Variants in OVCH1 observed in about 807,000 individuals in gnomAD.
OVCH1 encodes the protein ovochymase-1.
OVCH1 carries 139 observed loss-of-function variants against 138.4 expected under a neutral mutation model. The observed-to-expected ratio is 1.00, with a 90% CI of 0.87 to 1.16. The LOEUF is 1.16. Ranked by LOEUF, OVCH1 falls within the 50% of genes most tolerant of loss-of-function variation. The pLI is 0.00. For missense variants in OVCH1, 1,367 were observed against 1,357.9 expected (o/e 1.01, Z -0.11); for synonymous variants, 453 against 467.8 (o/e 0.97, Z 0.41).
At chr12:29,425,271 A>T (rs1312802608), downstream of OVCH1, among the ~76,000 whole-genome samples, 4 of 152,240 alleles carry the variant, frequency 2.6e-5, no homozygotes, top group Non-Finnish European at 4.4e-5. Context: ...TGACTTAGAC[A>T]GAAATACAGA....
downstream of OVCH1, among the ~76,000 whole-genome samples, chr12:29,410,446 A>G (rs1406516088): frequency 2.0e-5 from 3 of 151,186 alleles, no homozygotes; most frequent in Admixed American, 6.6e-5. Flanking sequence ...AGCGGCTGAT[A>G]CCGGTTGTTC....
chr12:29,464,254 A>C (rs1037586410), intron 18 of OVCH1, among the ~76,000 whole-genome samples: 8 of 152,184 alleles, frequency 5.3e-5, no homozygotes, highest in African/African-American at 1.9e-4. Context: ...TAAAAGGATT[A>C]TTATCTGGCC....
chr12:29,496,125 G>C (rs2136101690), intron 3 of OVCH1, 56 bp downstream of exon 3: 1 of 1,457,932 alleles, frequency 6.9e-7, no homozygotes, highest in Non-Finnish European at 9.4e-7. Flanking sequence ...CAACAAATCT[G>C]CCAGTCGCAT....
At chr12:29,494,486 G>T (rs1405713693) in intron 4 of OVCH1, among the ~76,000 whole-genome samples, 1 of 152,172 alleles carries the variant, frequency 6.6e-6, no homozygotes, top group African/African-American at 2.4e-5. Flanking sequence ...TTTTTTGTTA[G>T]AGATGAATAT....
exon 24 of OVCH1, chr12:29,444,201 C>A: frequency 6.2e-7 from 1 of 1,612,580 alleles, no homozygotes; most frequent in South Asian, 1.1e-5. Flanking sequence ...CTGGCTTGGT[C>A]AGAAGAACAT....
intron 2 of OVCH1, 62 bp downstream of exon 2, chr12:29,496,494 C>T (rs7295558): frequency 0.021 from 30,607 of 1,434,298 alleles, 1,030 homozygotes; most frequent in African/African-American, 0.15. Context: ...TTCTTGCTTT[C>T]GAAACAAAGG....
intron 3 of OVCH1, among the ~76,000 whole-genome samples, chr12:29,416,078 C>A (rs77389411): frequency 4.3e-4 from 63 of 145,722 alleles, no homozygotes; most frequent in Non-Finnish European, 4.7e-4. Flanking sequence ...ACAAAAAAAG[C>A]AAAAAAAAAA....
rs537238105 is a variant in OVCH1 at position 29,477,463 on chromosome 12, T to C, written c.1124A>G (p.Lys375Arg). 18 of 1,613,968 alleles carry C rather than the reference T, an allele frequency of 1.1e-5. No individual in the cohort carries two copies. In the East Asian group the frequency reaches 2.9e-4, roughly 26 times the overall value. The change falls in exon 11 of 28, where the codon AAA becomes AGA. Residue 375 changes from lysine to arginine, a missense_variant. Transcript: ENST00000318184. The stretch of plus-strand genomic sequence containing the variant: ...TGCCAGCAATGGTGAAGGCAATATT[T>C]TTCCACAGACCTTACCTTAAAAGAA...
At chr12:29,424,051 C>T (rs1025752689), downstream of OVCH1, among the ~76,000 whole-genome samples, 4 of 152,120 alleles carry the variant, frequency 2.6e-5, no homozygotes, top group East Asian at 1.9e-4. Flanking sequence ...AGAGGTGTGG[C>T]GTGGGAAATC....
exon 6 of OVCH1, chr12:29,489,713 C>A: frequency 6.2e-7 from 1 of 1,610,432 alleles, no homozygotes; most frequent in Non-Finnish European, 8.5e-7. Context: ...CAGTATTACA[C>A]GCTCTGTCAT....
intron 19 of OVCH1, among the ~76,000 whole-genome samples, chr12:29,457,605 A>G (rs530198692): frequency 1.3e-5 from 2 of 151,814 alleles, no homozygotes; most frequent in South Asian, 2.1e-4. Context: ...GGGTTTCACC[A>G]TGTTGGCCAG....
chr12:29,485,969 A>AAAATAAAAT (rs1943091299), intron 8 of OVCH1, among the ~76,000 whole-genome samples: 5 of 136,358 alleles, frequency 3.7e-5, no homozygotes, highest in Admixed American at 2.3e-4. Context: ...AAAATAAAAT[A>AAAATAAAAT]AAATAAATAA....
chr12:29,453,034 T>A (rs1463068405), intron 21 of OVCH1, among the ~76,000 whole-genome samples: 3 of 152,204 alleles, frequency 2.0e-5, no homozygotes, highest in Non-Finnish European at 4.4e-5. Context: ...AAAAATACAT[T>A]AGATGGCACT....
intron 16 of OVCH1, among the ~76,000 whole-genome samples, chr12:29,470,463 G>A (rs1465982788): frequency 6.6e-6 from 1 of 152,116 alleles, no homozygotes; most frequent in Non-Finnish European, 1.5e-5. Context: ...GTGAGAACAT[G>A]CATTGTTTGG....
the OVCH1 span, among the ~76,000 whole-genome samples, chr12:29,402,736 G>C: frequency 6.6e-6 from 1 of 151,876 alleles, no homozygotes; most frequent in Non-Finnish European, 1.5e-5. Flanking sequence ...TGAAAAGGGA[G>C]AGATGGATTG....
chr12:29,480,906 T>A (rs1942909670), intron 8 of OVCH1, among the ~76,000 whole-genome samples: 1 of 152,206 alleles, frequency 6.6e-6, no homozygotes, highest in African/African-American at 2.4e-5. Context: ...TATACTCGTT[T>A]CTAAAGCACA....
chr12:29,478,859 G>C, exon 9 of OVCH1: 4 of 1,590,156 alleles, frequency 2.5e-6, no homozygotes, highest in Non-Finnish European at 3.4e-6. Flanking sequence ...CTGCTTGATC[G>C]TAAAGATACA....
At chr12:29,415,878 T>C (rs1405670713) in intron 3 of OVCH1, among the ~76,000 whole-genome samples, 1 of 152,006 alleles carries the variant, frequency 6.6e-6, no homozygotes, top group East Asian at 1.9e-4. Context: ...TTGGAAGAAA[T>C]CACTTTTCCA....
intron 5 of OVCH1, among the ~76,000 whole-genome samples, chr12:29,490,197 G>A (rs1008871510): frequency 6.6e-6 from 1 of 151,744 alleles, no homozygotes; most frequent in African/African-American, 2.4e-5. Flanking sequence ...CCAAGTAGCT[G>A]GGACTACAGG....
Sources: allele counts gnomAD v4.1 joint callset (sites outside exome capture counted in the v4.1 genomes callset), GRCh38; gene constraint gnomAD v4.1.1; transcripts MANE v1.5; gene names NCBI Gene and HGNC (gene_info 2026-07-23, HGNC 2026-07-21).